Variants in ATP13A2 observed in about 807,000 individuals in gnomAD.
ATP13A2 encodes ATPase cation transporting 13A2.
In ATP13A2, 83 loss-of-function variants were observed where a neutral mutation model predicts 138.3. That is an observed-to-expected ratio of 0.60 (90% confidence interval 0.50 to 0.72). The LOEUF (loss-of-function observed/expected upper bound fraction) is 0.72. Among genes scored for constraint, ATP13A2 ranks in the 30% least tolerant of loss-of-function variants. The pLI is 0.00. For synonymous variants in ATP13A2, 663 were observed against 699.0 expected (o/e 0.95, Z 0.81); for missense variants, 1,402 against 1,606.4 (o/e 0.87, Z 2.17).
At position 17,002,050 on chromosome 1, in the gene ATP13A2, T is replaced by C; in HGVS notation, c.689A>G (p.Gln230Arg). ...VISIPVKSYP[Q>R]LLVDEALNPY... The stretch of plus-strand genomic sequence containing the variant: ...CAGCCCTACCTCGTCCACCAGCAGC[T>C]GGGGGTAGGACTTGACCGGTATGCT... Residue 230 changes from glutamine to arginine, a missense_variant, in exon 8 of 29, where the codon CAG becomes CGG. Transcript: ENST00000326735. 1 of 1,612,552 alleles carries C rather than the reference T, an allele frequency of 6.2e-7. No homozygotes were observed. Among genetic ancestry groups the C allele is most frequent in the Non-Finnish European group, 8.5e-7 (1 of 1,179,216 alleles).
At chr1:17,003,293 C>G (rs1174977160) in intron 6 of ATP13A2, among the ~76,000 whole-genome samples, 1 of 152,142 alleles carries the variant, frequency 6.6e-6, no homozygotes, top group Non-Finnish European at 1.5e-5. Context: ...CCCGGTGGCT[C>G]ATGCCTGTAA....
chr1:16,997,209 AC>A, intron 11 of ATP13A2, 34 bp from the exon 12 acceptor site: 1 of 1,612,182 alleles, frequency 6.2e-7, no homozygotes, highest in Non-Finnish European at 8.5e-7. Flanking sequence ...ACCACTCCAC[AC>A]CCCTCCCTCC....
chr1:17,000,346 T>C, intron 9 of ATP13A2, 34 bp from the exon 10 acceptor site: 4 of 1,584,588 alleles, frequency 2.5e-6, no homozygotes, highest in Non-Finnish European at 3.4e-6. Context: ...CGTGAGTGGG[T>C]GGGGGCCCCT....
chr1:16,986,041 TC>T lies in ATP13A2; in HGVS notation c.*179del, dbSNP rs2076703323. 1.3e-5 allele frequency: 19 copies of T among 1,487,184 alleles called. No homozygotes were observed. Among genetic ancestry groups the T allele is most frequent in the Non-Finnish European group, 1.6e-5 (18 of 1,116,656 alleles). 92.1% of individuals were successfully genotyped at this position (1,487,184 alleles called of 1,614,324 possible). ...GGGCTGCCACCCCTACGCGGGATGG[TC>T]CAAGGTAGGGGACAGTAGTCAACGC... On this transcript the variant is annotated 3_prime_UTR_variant, in exon 29 of 29. Coordinates refer to ENST00000326735, the MANE Select transcript of ATP13A2 (RefSeq NM_022089.4). This position sits in a 1 kb window ranked among gnomAD's most constrained non-coding sequence, Gnocchi z 6.9.
chr1:16,986,209 C>T lies in ATP13A2; in HGVS notation c.*12G>A, dbSNP rs781221410. 8.1e-6 allele frequency: 13 copies of T among 1,612,256 alleles called. 1 individual carries two copies. Among genetic ancestry groups the T allele is most frequent in the South Asian group, 2.2e-5 (2 of 90,712 alleles). ...AGGGAGTTCCAGTGTCTGGGGTGCC[C>T]GTGGGCCTGCACTACCTCAGGGGGC... On this transcript the variant is annotated 3_prime_UTR_variant, in exon 29 of 29. Coordinates refer to ENST00000326735, the MANE Select transcript of ATP13A2 (RefSeq NM_022089.4). The surrounding 1 kb of genome is among the most constrained non-coding windows in gnomAD (Gnocchi z 6.9).
At position 16,986,006 on chromosome 1, in the gene ATP13A2, G is replaced by T; in HGVS notation, c.*215C>A. ...TTTGCTACACTGACAGCAGCACTGA[G>T]GGGAGCTGGGGGCTGCCACCCCTAC... is the stretch of plus-strand genomic sequence containing the variant. On this transcript the variant is annotated 3_prime_UTR_variant, in exon 29 of 29. Coordinates refer to ENST00000326735, the MANE Select transcript of ATP13A2 (RefSeq NM_022089.4). The surrounding 1 kb of genome is among the most constrained non-coding windows in gnomAD (Gnocchi z 6.9). 1 of 1,456,146 alleles carries T rather than the reference G, an allele frequency of 6.9e-7. No homozygotes were observed. The highest frequency in any genetic ancestry group is 9.1e-7 in the Non-Finnish European group (1 of 1,102,506). 90.2% of individuals were successfully genotyped at this position (1,456,146 alleles called of 1,614,324 possible).
rs1356729916 is a variant in ATP13A2 at position 17,004,627 on chromosome 1, C to T, written c.477+65G>A. 6.2e-6 allele frequency: 10 copies of T among 1,613,138 alleles called. No individual in the cohort carries two copies. Among genetic ancestry groups the T allele is most frequent in the African/African-American group, 1.3e-5 (1 of 74,902 alleles). Reference sequence around the variant, plus strand: ...GGTGGTGGGAGAACATGAAGTCTGACTCTCCCATTGCACAGATCATGAAAC... The same window carrying T: ...GGTGGTGGGAGAACATGAAGTCTGATTCTCCCATTGCACAGATCATGAAAC... On this transcript the variant is annotated intron_variant, in intron 5 of 28. Transcript: ENST00000326735. The surrounding 1 kb of genome is among the most constrained non-coding windows in gnomAD (Gnocchi z 4.1).
chr1:17,001,018 G>A (rs547972740), intron 8 of ATP13A2, among the ~76,000 whole-genome samples: 2 of 152,204 alleles, frequency 1.3e-5, no homozygotes, highest in Non-Finnish European at 2.9e-5. Flanking sequence ...CTTTATCTAA[G>A]TGTCATACAA....
In ATP13A2 at chr1:16,990,097, G is replaced by A. The variant is rs374203880; in HGVS notation, c.2412+30C>T. On this transcript the variant is annotated intron_variant, in intron 21 of 28. Coordinates refer to ENST00000326735, the MANE Select transcript of ATP13A2 (RefSeq NM_022089.4). The stretch of plus-strand genomic sequence containing the variant: ...ACACAGGGGTGGGGTCACTGGGTGA[G>A]GTACAGCTGGAACTCTGGGTTAGCC... 55 of 1,614,042 alleles carry A rather than the reference G, an allele frequency of 3.4e-5. 1 individual carries two copies. Among genetic ancestry groups the A allele is most frequent in the African/African-American group, 2.5e-4 (19 of 74,928 alleles).
At chr1:17,002,243 G>T in intron 7 of ATP13A2, 53 bp downstream of exon 7, 1 of 1,597,000 alleles carries the variant, frequency 6.3e-7, no homozygotes, top group Non-Finnish European at 8.5e-7. Flanking sequence ...ACATTGGGGG[G>T]CAACACAAGG....
rs1197564703 is a variant in ATP13A2 at position 16,986,638 on chromosome 1, A to G, written c.3236-6T>C. 3.1e-6 allele frequency: 5 copies of G among 1,605,190 alleles called. No homozygotes were observed. The highest frequency in any genetic ancestry group is 3.4e-6 in the Non-Finnish European group (4 of 1,177,940). On this transcript the variant is annotated splice_polypyrimidine_tract_variant and splice_region_variant and intron_variant, in intron 27 of 28. Coordinates refer to ENST00000326735, the MANE Select transcript of ATP13A2 (RefSeq NM_022089.4). This position sits in a 1 kb window ranked among gnomAD's most constrained non-coding sequence, Gnocchi z 6.9. ...CAGGGCCACCAGGAAGGGCACTGGG[A>G]GCAGGAGAGTCTCTCAGGCAGGAGC...
At chr1:17,008,689 G>C (rs1034833030) in intron 1 of ATP13A2, among the ~76,000 whole-genome samples, 1 of 152,116 alleles carries the variant, frequency 6.6e-6, no homozygotes, top group African/African-American at 2.4e-5. Context: ...AGTGGCTCAC[G>C]CCTGTAATCC....
intron 22 of ATP13A2, 30 bp from the exon 23 acceptor site, chr1:16,989,800 G>A (rs954971480): frequency 1.2e-6 from 2 of 1,612,792 alleles, no homozygotes; most frequent in Non-Finnish European, 1.7e-6. Flanking sequence ...GGGGAGGGCT[G>A]AGGCACCCAC....
Position 16,986,079 on chromosome 1 carries a change from G to C in ATP13A2, c.*142C>G. ...ACAGTAGTCAACGCTTCCCCAGGGT[G>C]GGGGTGGTCTCGGGGGAGGAGTGTA... On this transcript the variant is annotated 3_prime_UTR_variant, in exon 29 of 29. Transcript: ENST00000326735. The surrounding 1 kb of genome is among the most constrained non-coding windows in gnomAD (Gnocchi z 6.9). The C allele has an allele frequency of 5.9e-6, 9 of 1,534,188 alleles. No individual in the cohort carries two copies. Among genetic ancestry groups the C allele is most frequent in the Non-Finnish European group, 7.9e-6 (9 of 1,138,440 alleles).
In ATP13A2 at chr1:17,004,318, G is replaced by T. The variant is rs777162685; in HGVS notation, c.557+14C>A. 6.2e-7 allele frequency: 1 copy of T among 1,612,658 alleles called. No individual in the cohort carries two copies. Among genetic ancestry groups the T allele is most frequent in the Non-Finnish European group, 8.5e-7 (1 of 1,179,360 alleles). On this transcript the variant is annotated intron_variant, in intron 6 of 28. Transcript: ENST00000326735. This position sits in a 1 kb window ranked among gnomAD's most constrained non-coding sequence, Gnocchi z 4.1. ...CTGGGAGGTGACATGAGCCACACAG[G>T]CCCTGACTCCTACCTGACCTGGTAG... is the stretch of plus-strand genomic sequence containing the variant.
chr1:17,010,036 G>A (rs545185894), intron 1 of ATP13A2, among the ~76,000 whole-genome samples: 11 of 152,282 alleles, frequency 7.2e-5, no homozygotes, highest in Non-Finnish European at 1.2e-4. Context: ...GTGGGGGGGC[G>A]AGAGCACCTT....
In ATP13A2 at chr1:17,005,730, G is replaced by A. The variant is rs773699589; in HGVS notation, c.59C>T (p.Thr20Met). The A allele has an allele frequency of 1.5e-5, 24 of 1,613,482 alleles. No homozygotes were observed. The highest frequency in any genetic ancestry group is 1.6e-4 in the Middle Eastern group (1 of 6,078). Residue 20 changes from threonine (T) to methionine (M), a missense_variant, in exon 2 of 29, where the codon ACG (threonine) becomes ATG (methionine). Physicochemically the swap from Thr to Met is moderately conservative, Grantham distance 81. Transcript: ENST00000326735. ...GSTPTGYGTL[T>M]IGTSIDPLSS... ...GAGGGGATCTATTGATGTCCCTATC[G>A]TCAGGGTCCCATAACCGGTGGGCGT...
chr1:17,006,131 T>A (rs188977401), intron 1 of ATP13A2, among the ~76,000 whole-genome samples: 1 of 152,108 alleles, frequency 6.6e-6, no homozygotes, highest in Non-Finnish European at 1.5e-5. Context: ...TGAGACTCCA[T>A]CTCAAAAAAC....
In ATP13A2 at chr1:16,989,919, T is replaced by C; in HGVS notation, c.2497A>G (p.Ile833Val). Residue 833 changes from isoleucine to valine, a missense_variant, in exon 22 of 29, where the codon ATT (isoleucine) becomes GTT (valine). Ile to Val is a conservative substitution (Grantham distance 29, BLOSUM62 3). Coordinates refer to ENST00000326735, the MANE Select transcript of ATP13A2 (RefSeq NM_022089.4). Reference sequence around the variant, plus strand: ...AGCAGCTTGGGGAAGTGCTTCACAATGATACCAAAGGTGGGCCCGCTGAGG... The same window carrying C: ...AGCAGCTTGGGGAAGTGCTTCACAACGATACCAAAGGTGGGCCCGCTGAGG... ...LALSGPTFGI[I>V]VKHFPKLLPK... 1 of 1,601,552 alleles carries C rather than the reference T, an allele frequency of 6.2e-7. No individual in the cohort carries two copies. Among genetic ancestry groups the C allele is most frequent in the South Asian group, 1.1e-5 (1 of 89,810 alleles).
Sources: gnomAD v4.1 joint callset for allele counts (sites outside exome capture counted in the v4.1 genomes callset) on GRCh38, gnomAD v4.1.1 for gene constraint, Gnocchi (gnomAD v3.1) non-coding constraint, MANE v1.5 for transcripts, NCBI Gene and HGNC (gene_info 2026-07-23, HGNC 2026-07-21) for gene names.